GPC5: variants seen among roughly 807,000 people sequenced by gnomAD.
The protein encoded by GPC5 is glypican-5.
In GPC5, 47 loss-of-function variants were observed where a neutral mutation model predicts 53.9. That is an observed-to-expected ratio of 0.87 (90% CI 0.69 to 1.11). GPC5 has a LOEUF of 1.11. GPC5 is among the 50% of genes most tolerant of loss of function. The pLI is 0.00. For synonymous variants in GPC5, 286 were observed against 263.3 expected, an observed-to-expected ratio of 1.09 and a Z score of -0.84; for missense variants, 748 against 713.1, an observed-to-expected ratio of 1.05 and a Z score of -0.56.
intron 7 of GPC5, among the ~76,000 whole-genome samples, chr13:92,681,506 C>T (rs548751856): frequency 2.2e-4 from 34 of 152,168 alleles, no homozygotes; most frequent in African/African-American, 7.2e-4. Flanking sequence ...ACCTGTAATC[C>T]AGCCTCTACA....
At chr13:91,856,230 G>T (rs1330327324) in intron 5 of GPC5, among the ~76,000 whole-genome samples, 1 of 151,356 alleles carries the variant, frequency 6.6e-6, no homozygotes, top group Non-Finnish European at 1.5e-5. Context: ...TTTTTCTTTG[G>T]ATGAATATTT....
At chr13:92,353,343 C>T (rs904606572) in intron 7 of GPC5, among the ~76,000 whole-genome samples, 1 of 148,804 alleles carries the variant, frequency 6.7e-6, no homozygotes, top group Admixed American at 6.7e-5. Context: ...TACGATGATA[C>T]GAGTTTTGAA....
At chr13:91,568,512 A>C (rs1271806640) in intron 2 of GPC5, among the ~76,000 whole-genome samples, 5 of 151,794 alleles carry the variant, frequency 3.3e-5, no homozygotes, top group African/African-American at 1.2e-4. Context: ...ATATCTACAA[A>C]TTCCTGAGTT....
In GPC5 at chr13:92,781,032, C is replaced by T. The variant is rs529352874; in HGVS notation, c.1562-85250C>T. Among the ~76,000 whole-genome samples, 20 of 152,174 alleles carry T rather than the reference C, an allele frequency of 1.3e-4. No homozygotes were observed. In the East Asian group the frequency reaches 1.3e-3, roughly 10 times the overall value. ...GTGTCCTCATACATGTACGTGCACA[C>T]GCACACATATACATCTTCACATCAA... On this transcript the variant is annotated intron_variant, in intron 7 of 7. Transcript: ENST00000377067.
rs143562248 is a variant in GPC5 at position 92,046,309 on chromosome 13, A to G, written c.1402-98521A>G. Among the ~76,000 whole-genome samples the G allele has an allele frequency of 9.7e-4, 148 of 152,314 alleles. 2 individuals carry two copies. The highest frequency in any genetic ancestry group is 3.2e-3 in the African/African-American group (131 of 41,570). On this transcript the variant is annotated intron_variant, in intron 6 of 7. Coordinates refer to ENST00000377067, the MANE Select transcript of GPC5 (RefSeq NM_004466.6). ...TCATCAATCTATTACAAGTTCAAGAAAGAACTTTTGTTTGAAATGAATGTC... is the reference window on the plus strand; with the variant it reads ...TCATCAATCTATTACAAGTTCAAGAGAGAACTTTTGTTTGAAATGAATGTC...
rs58498222 is a variant in GPC5, at chr13:92,415,662, G to T, written c.1561+270673G>T. Among the ~76,000 whole-genome samples, 907 of 142,376 alleles carry T rather than the reference G, an allele frequency of 6.4e-3. 8 individuals are homozygous for T. The highest frequency in any genetic ancestry group is 0.022 in the African/African-American group (867 of 38,648). The allele number at this position is 142,376 out of a possible 152,430, so 93.4% of individuals were successfully genotyped here. ...ATATGAGTCTGATGCTGAGAGGAAG[G>T]TTCCAGCTGGAGGTAAAAAAAAAAA... is the stretch of plus-strand genomic sequence containing the variant. On this transcript the variant is annotated intron_variant, in intron 7 of 7. Transcript: ENST00000377067.
intron 7 of GPC5, among the ~76,000 whole-genome samples, chr13:92,257,888 A>G (rs1188527973): frequency 6.6e-6 from 1 of 152,038 alleles, no homozygotes; most frequent in Non-Finnish European, 1.5e-5. Context: ...GAGTTGCGGA[A>G]CTCATGAATG....
chr13:92,019,593 T>C (rs895068772), intron 6 of GPC5, among the ~76,000 whole-genome samples: 2 of 152,110 alleles, frequency 1.3e-5, no homozygotes, highest in African/African-American at 4.8e-5. Flanking sequence ...CAGGCTGGTC[T>C]AAAATGTCCA....
chr13:91,719,361 C>G (rs553376606), intron 3 of GPC5, among the ~76,000 whole-genome samples: 97 of 152,206 alleles, frequency 6.4e-4, no homozygotes, highest in Non-Finnish European at 1.0e-3. Flanking sequence ...GTCTATGAAG[C>G]CTTACTTTCC....
At chr13:91,497,105 G>C (rs2139278146) in intron 2 of GPC5, among the ~76,000 whole-genome samples, 1 of 151,292 alleles carries the variant, frequency 6.6e-6, no homozygotes, top group South Asian at 2.1e-4. Context: ...AACAAATAAT[G>C]GCCTTTTATG....
At chr13:91,492,685 C>T (rs1254115214) in intron 2 of GPC5, among the ~76,000 whole-genome samples, 1 of 152,178 alleles carries the variant, frequency 6.6e-6, no homozygotes, top group Non-Finnish European at 1.5e-5. Context: ...GAGACATACC[C>T]AGAGATAATG....
At chr13:91,906,523 C>T (rs1413279688) in intron 5 of GPC5, among the ~76,000 whole-genome samples, 1 of 151,926 alleles carries the variant, frequency 6.6e-6, no homozygotes, top group Non-Finnish European at 1.5e-5. Context: ...TTGCTGAAAT[C>T]TATGGTTTTT....
At position 92,485,410 on chromosome 13, in the gene GPC5, G is replaced by A. The variant is rs1281420565; in HGVS notation, c.1561+340421G>A. The stretch of plus-strand genomic sequence containing the variant: ...AAGGTGAGTGCAAACTAAAGGCATA[G>A]CCTTTACTCTCATAGAAAAGTCTTT... On this transcript the variant is annotated intron_variant, in intron 7 of 7. Coordinates refer to ENST00000377067, the MANE Select transcript of GPC5 (RefSeq NM_004466.6). Among the ~76,000 whole-genome samples, 4 of 151,916 alleles carry A rather than the reference G, an allele frequency of 2.6e-5. 1 individual carries two copies. Among genetic ancestry groups the A allele is most frequent in the Admixed American group, 2.0e-4 (3 of 15,248 alleles).
At chr13:92,575,228 A>G (rs1278685667) in intron 7 of GPC5, among the ~76,000 whole-genome samples, 1 of 152,204 alleles carries the variant, frequency 6.6e-6, no homozygotes, top group Non-Finnish European at 1.5e-5. Context: ...TCTTACTTGG[A>G]AATAGGGTCT....
At chr13:91,540,955 C>T (rs1431086525) in intron 2 of GPC5, among the ~76,000 whole-genome samples, 1 of 151,768 alleles carries the variant, frequency 6.6e-6, no homozygotes, top group Non-Finnish European at 1.5e-5. Flanking sequence ...TCAGAATGTA[C>T]AGTAACTGCA....
chr13:91,620,003 G>T (rs1341934385), intron 2 of GPC5, among the ~76,000 whole-genome samples: 16 of 152,098 alleles, frequency 1.1e-4, no homozygotes, highest in Admixed American at 1.0e-3. Flanking sequence ...GTGAGATAAA[G>T]CTAACATCTT....
chr13:91,815,758 G>A (rs1461322417), intron 5 of GPC5, among the ~76,000 whole-genome samples: 1 of 152,084 alleles, frequency 6.6e-6, no homozygotes, highest in Non-Finnish European at 1.5e-5. Context: ...TACCATTTCT[G>A]TTTCGTTTCC....
intron 3 of GPC5, among the ~76,000 whole-genome samples, chr13:91,711,641 G>T (rs72643278): frequency 1.3e-5 from 2 of 152,234 alleles, no homozygotes; most frequent in Non-Finnish European, 2.9e-5. Flanking sequence ...AAAAATACCT[G>T]TTAACTGTAT....
intron 1 of GPC5, among the ~76,000 whole-genome samples, chr13:91,425,286 G>T (rs974997843): frequency 6.6e-6 from 1 of 152,130 alleles, no homozygotes; most frequent in Non-Finnish European, 1.5e-5. Flanking sequence ...TGGTTTCACA[G>T]GTGGTCTCCT....
Sources: allele counts gnomAD v4.1 joint callset (sites outside exome capture counted in the v4.1 genomes callset), GRCh38; gene constraint gnomAD v4.1.1; transcripts MANE v1.5; gene names NCBI Gene and HGNC (gene_info 2026-07-23, HGNC 2026-07-21).